SAMMSON: variants seen among roughly 807,000 people sequenced by gnomAD.
SAMMSON encodes survival associated mitochondrial melanoma specific oncogenic non-coding RNA.
chr3:70,018,169 C>T (rs1037710855), intron 3 of SAMMSON, among the ~76,000 whole-genome samples: 1 of 152,124 alleles, frequency 6.6e-6, no homozygotes, highest in Non-Finnish European at 1.5e-5. Flanking sequence ...GTACCAGCTC[C>T]TTCTTGTACC....
At chr3:70,389,528 G>C (rs1046429421) in intron 9 of SAMMSON, 1 of 152,066 alleles carries the variant, frequency 6.6e-6, no homozygotes, top group Non-Finnish European at 1.5e-5. Flanking sequence ...GCTCTAGTCT[G>C]TAAAGATGGC....
At chr3:70,034,261 T>C (rs1023130092) in intron 3 of SAMMSON, among the ~76,000 whole-genome samples, 1 of 152,198 alleles carries the variant, frequency 6.6e-6, no homozygotes, top group Non-Finnish European at 1.5e-5. Context: ...CATTACAAAG[T>C]TGCACGATAT....
At position 70,305,044 on chromosome 3, in the gene SAMMSON, A is replaced by G. The variant is rs1175803291; in HGVS notation, n.739+13801A>G. The stretch of plus-strand genomic sequence containing the variant: ...TTCTTCTTATTTAAGTCTCAGCTCA[A>G]ATAACTTTCCCACAGAGAGAACTTC... On this transcript the variant is annotated intron_variant and non_coding_transcript_variant, in intron 7 of 9. Coordinates refer to ENST00000642114, the Ensembl canonical transcript of SAMMSON. Among the ~76,000 whole-genome samples the G allele has an allele frequency of 3.3e-5, 5 of 152,300 alleles. No individual in the cohort carries two copies. The East Asian group carries it at 5.8e-4, about 18-fold the overall frequency.
At chr3:70,294,022 AT>A (rs759543503) in intron 7 of SAMMSON, among the ~76,000 whole-genome samples, 5 of 152,064 alleles carry the variant, frequency 3.3e-5, no homozygotes, top group Non-Finnish European at 7.4e-5. Flanking sequence ...AGCTGGGTGT[AT>A]TTTAATATTT....
At chr3:70,032,361 A>AT (rs1239405470) in intron 3 of SAMMSON, among the ~76,000 whole-genome samples, 1 of 152,212 alleles carries the variant, frequency 6.6e-6, no homozygotes, top group Admixed American at 6.5e-5. Context: ...GTAACTCTTT[A>AT]TTGATTGAGT....
At chr3:70,340,200 C>A (rs1029604809) in intron 7 of SAMMSON, among the ~76,000 whole-genome samples, 1 of 134,588 alleles carries the variant, frequency 7.4e-6, no homozygotes, top group Non-Finnish European at 1.5e-5. Flanking sequence ...AATGAGAACA[C>A]TTGGACACAG....
At chr3:70,419,727 C>T (rs1259678295) in intron 2 of SAMMSON, among the ~76,000 whole-genome samples, 2 of 152,200 alleles carry the variant, frequency 1.3e-5, no homozygotes, top group African/African-American at 4.8e-5. Flanking sequence ...CAAGCTCCGC[C>T]TCCCGGGTTC....
At chr3:70,095,543 C>T (rs968454430) in intron 4 of SAMMSON, among the ~76,000 whole-genome samples, 5 of 152,126 alleles carry the variant, frequency 3.3e-5, no homozygotes, top group Admixed American at 2.0e-4. Flanking sequence ...ATATATTTCA[C>T]ATTTGTTAGC....
At chr3:70,073,582 CCT>C (rs1422906290) in intron 4 of SAMMSON, among the ~76,000 whole-genome samples, 6 of 151,840 alleles carry the variant, frequency 4.0e-5, no homozygotes, top group African/African-American at 4.8e-5. Flanking sequence ...GATTTTTCCC[CCT>C]CTTTTTTTCT....
chr3:70,360,737 A>G (rs1702864809), intron 9 of SAMMSON, among the ~76,000 whole-genome samples: 1 of 152,194 alleles, frequency 6.6e-6, no homozygotes, highest in South Asian at 2.1e-4. Flanking sequence ...GTTATGATAA[A>G]ACATCATAAT....
At chr3:70,097,066 C>G (rs79766488) in intron 4 of SAMMSON, among the ~76,000 whole-genome samples, 2 of 152,294 alleles carry the variant, frequency 1.3e-5, no homozygotes, top group East Asian at 3.9e-4. Flanking sequence ...ATAGCACAAT[C>G]TGGGAAATGC....
intron 4 of SAMMSON, among the ~76,000 whole-genome samples, chr3:70,093,323 A>G (rs188835241): frequency 1.3e-5 from 2 of 152,278 alleles, no homozygotes; most frequent in African/African-American, 2.4e-5. Context: ...CCCATTTTGT[A>G]GATAAGAAAA....
intron 9 of SAMMSON, among the ~76,000 whole-genome samples, chr3:70,363,344 A>G (rs1702891639): frequency 6.6e-6 from 1 of 152,058 alleles, no homozygotes; most frequent in African/African-American, 2.4e-5. Context: ...GAGGAAAGAG[A>G]AAGAAAGAAG....
intron 9 of SAMMSON, among the ~76,000 whole-genome samples, chr3:70,376,300 A>AT: frequency 6.6e-6 from 1 of 152,264 alleles, no homozygotes; most frequent in East Asian, 1.9e-4. Context: ...CTAGTTGGTG[A>AT]TTTTGGGTAA....
chr3:70,255,396 A>C (rs1463988967), intron 6 of SAMMSON, among the ~76,000 whole-genome samples: 1 of 152,120 alleles, frequency 6.6e-6, no homozygotes, highest in Admixed American at 6.6e-5. Flanking sequence ...GTAGATATGG[A>C]ATAAGCATTT....
chr3:70,384,903 T>C (rs1703107622), intron 9 of SAMMSON, among the ~76,000 whole-genome samples: 1 of 152,148 alleles, frequency 6.6e-6, no homozygotes, highest in Non-Finnish European at 1.5e-5. Context: ...ACTAGCCAGC[T>C]GTGGCTATTA....
intron 8 of SAMMSON, among the ~76,000 whole-genome samples, chr3:70,357,386 A>G (rs1702837108): frequency 6.6e-6 from 1 of 152,202 alleles, no homozygotes; most frequent in African/African-American, 2.4e-5. Context: ...ATTTACTAAC[A>G]TAGTGCTTTT....
intron 7 of SAMMSON, among the ~76,000 whole-genome samples, chr3:70,347,472 C>T (rs1323796520): frequency 6.6e-6 from 1 of 152,018 alleles, no homozygotes; most frequent in Admixed American, 6.5e-5. Context: ...ACAAACACAG[C>T]AGAGATGGAG....
At chr3:70,290,535 G>A (rs1028084182) in intron 6 of SAMMSON, among the ~76,000 whole-genome samples, 1 of 152,234 alleles carries the variant, frequency 6.6e-6, no homozygotes, top group Non-Finnish European at 1.5e-5. Context: ...CCTGCCCCCA[G>A]AGGTGGAGCC....
Sources: gnomAD v4.1 joint callset for allele counts (sites outside exome capture counted in the v4.1 genomes callset) on GRCh38, gnomAD v4.1.1 for gene constraint, MANE v1.5 for transcripts, NCBI Gene and HGNC (gene_info 2026-07-23, HGNC 2026-07-21) for gene names.